C8orf34: variants seen among roughly 807,000 people sequenced by gnomAD.
C8orf34 encodes uncharacterized protein C8orf34.
Under a neutral mutation model 68.3 loss-of-function variants are expected in C8orf34, and 65 were observed. The ratio of observed to expected loss-of-function variants is 0.95; its 90% CI spans 0.78 to 1.17. C8orf34 has a LOEUF of 1.17. Ranked by LOEUF, C8orf34 falls within the 50% of genes most tolerant of loss-of-function variation. C8orf34 has a pLI of 0.00. For synonymous variants in C8orf34, 244 were observed against 241.2 expected (o/e 1.01, Z -0.11); for missense variants, 664 against 655.4 (o/e 1.01, Z -0.14).
At chr8:68,725,053 G>C (rs1036203910) in intron 10 of C8orf34, among the ~76,000 whole-genome samples, 3 of 152,010 alleles carry the variant, frequency 2.0e-5, no homozygotes, top group Admixed American at 6.6e-5. Flanking sequence ...TTTTTGTAGA[G>C]ACAGAATCTA....
At chr8:68,505,941 AG>A (rs1390842482) in intron 5 of C8orf34, among the ~76,000 whole-genome samples, 2 of 152,228 alleles carry the variant, frequency 1.3e-5, no homozygotes, top group Non-Finnish European at 2.9e-5. Flanking sequence ...AAATATATAA[AG>A]AATAATATAA....
chr8:68,526,597 T>C (rs1814999575), intron 6 of C8orf34, among the ~76,000 whole-genome samples: 1 of 151,490 alleles, frequency 6.6e-6, no homozygotes, highest in Non-Finnish European at 1.5e-5. Flanking sequence ...TAAAAATCTA[T>C]ATGCAACAAT....
At chr8:68,728,217 T>C (rs1025714240) in intron 10 of C8orf34, among the ~76,000 whole-genome samples, 8 of 152,166 alleles carry the variant, frequency 5.3e-5, no homozygotes, top group Admixed American at 1.3e-4. Flanking sequence ...GCCAGTCTCT[T>C]AGCTAAAACA....
intron 10 of C8orf34, among the ~76,000 whole-genome samples, chr8:68,761,644 C>T (rs1225208096): frequency 1.3e-5 from 2 of 152,190 alleles, no homozygotes; most frequent in African/African-American, 4.8e-5. Context: ...CTATTTGCCA[C>T]CAACACACCA....
chr8:68,622,677 G>C (rs996880541), intron 7 of C8orf34, among the ~76,000 whole-genome samples: 1 of 152,138 alleles, frequency 6.6e-6, no homozygotes, highest in African/African-American at 2.4e-5. Context: ...TAGTGGCTGC[G>C]TAAACAGAGT....
chr8:68,426,339 G>A (rs1810213672), intron 1 of C8orf34, among the ~76,000 whole-genome samples: 1 of 151,796 alleles, frequency 6.6e-6, no homozygotes, highest in Admixed American at 6.6e-5. Flanking sequence ...CCAACATGGT[G>A]AAAGCCCATC....
chr8:68,522,101 C>T, intron 6 of C8orf34, 130 bp downstream of exon 6: 1 of 717,480 alleles, frequency 1.4e-6, no homozygotes, highest in South Asian at 2.7e-5. Context: ...TTAGTCTATA[C>T]ATAGGATAAA....
chr8:68,756,214 T>C (rs775179796), intron 10 of C8orf34, among the ~76,000 whole-genome samples: 20 of 152,208 alleles, frequency 1.3e-4, no homozygotes, highest in Non-Finnish European at 8.8e-5. Context: ...ACAGAATGTG[T>C]GCTTGAATGA....
At chr8:68,492,091 A>G (rs996152245) in intron 5 of C8orf34, among the ~76,000 whole-genome samples, 1 of 152,180 alleles carries the variant, frequency 6.6e-6, no homozygotes, top group Non-Finnish European at 1.5e-5. Flanking sequence ...CTTTCTCAGC[A>G]TCTCATTCTA....
chr8:68,516,234 C>T (rs552408698), intron 5 of C8orf34, among the ~76,000 whole-genome samples: 4 of 152,268 alleles, frequency 2.6e-5, no homozygotes, highest in African/African-American at 4.8e-5. Context: ...AGAGATACTT[C>T]GTAATTCACT....
At chr8:68,537,205 A>C (rs2129885741) in intron 7 of C8orf34, among the ~76,000 whole-genome samples, 1 of 152,218 alleles carries the variant, frequency 6.6e-6, no homozygotes, top group Middle Eastern at 3.4e-3. Context: ...TTCTTTAAAA[A>C]GGAGAGAGAG....
intron 8 of C8orf34, among the ~76,000 whole-genome samples, chr8:68,662,021 A>G (rs907975001): frequency 3.9e-5 from 6 of 152,156 alleles, no homozygotes; most frequent in Non-Finnish European, 5.9e-5. Context: ...ATTATATGCA[A>G]ATACCTGGGA....
intron 1 of C8orf34, among the ~76,000 whole-genome samples, chr8:68,336,500 T>C (rs915043296): frequency 2.2e-4 from 33 of 152,214 alleles, no homozygotes; most frequent in African/African-American, 7.0e-4. Context: ...TGAACCTTGT[T>C]GTGTTGGATT....
intron 6 of C8orf34, among the ~76,000 whole-genome samples, chr8:68,526,314 T>C (rs1408539789): frequency 6.6e-6 from 1 of 152,168 alleles, no homozygotes; most frequent in Non-Finnish European, 1.5e-5. Flanking sequence ...AGATCATTGA[T>C]GAAGTCATCT....
chr8:68,780,857 G>A (rs778491797), intron 11 of C8orf34, among the ~76,000 whole-genome samples: 6 of 152,136 alleles, frequency 3.9e-5, no homozygotes, highest in African/African-American at 1.2e-4. Flanking sequence ...AAATTTAGCT[G>A]TGTACATAAA....
intron 1 of C8orf34, among the ~76,000 whole-genome samples, chr8:68,393,945 G>T (rs149949197): frequency 6.6e-6 from 1 of 152,226 alleles, no homozygotes; most frequent in African/African-American, 2.4e-5. Flanking sequence ...AGTGAAAACT[G>T]AAGAGAGGAC....
chr8:68,370,906 A>G (rs1807532281), intron 1 of C8orf34, among the ~76,000 whole-genome samples: 1 of 152,234 alleles, frequency 6.6e-6, no homozygotes, highest in South Asian at 2.1e-4. Flanking sequence ...TTTACGGAGT[A>G]TAAGCTATCT....
intron 5 of C8orf34, among the ~76,000 whole-genome samples, chr8:68,495,105 A>G (rs1813472522): frequency 6.6e-6 from 1 of 151,648 alleles, no homozygotes; most frequent in Admixed American, 6.6e-5. Context: ...GTCCTCCCTG[A>G]TGTTCTAGCT....
chr8:68,370,233 T>G (rs1276127220), intron 1 of C8orf34, among the ~76,000 whole-genome samples: 3 of 152,226 alleles, frequency 2.0e-5, no homozygotes, highest in African/African-American at 7.2e-5. Flanking sequence ...TCTATTCCCC[T>G]TCTACAGACA....
Sources: allele counts gnomAD v4.1 joint callset (sites outside exome capture counted in the v4.1 genomes callset), GRCh38; gene constraint gnomAD v4.1.1; transcripts MANE v1.5; gene names NCBI Gene and HGNC (gene_info 2026-07-23, HGNC 2026-07-21).